SORBS3: variants seen among roughly 807,000 people sequenced by gnomAD.
The protein encoded by SORBS3 is sorbin and SH3 domain containing 3.
Under a neutral mutation model 98.0 loss-of-function variants are expected in SORBS3, and 69 were observed. The observed-to-expected ratio is 0.70, with a 90% CI of 0.58 to 0.86. The LOEUF is 0.86. Ranked by LOEUF, SORBS3 falls within the 40% of genes least tolerant of loss-of-function variation. The pLI is 0.00. For missense variants in SORBS3, 954 were observed against 908.5 expected (o/e 1.05, Z -0.64); for synonymous variants, 394 against 355.4 (o/e 1.11, Z -1.22).
At position 22,570,815 on chromosome 8, in the gene SORBS3, C is replaced by T. The variant is rs879023069; in HGVS notation, c.1432-95C>T. ...CTGCGATTCCGACCCCTCGTGTGTC[C>T]AAGGTGTTAGGGTTGAATGAGACAG... is the stretch of plus-strand genomic sequence containing the variant. On this transcript the variant is annotated intron_variant, in intron 17 of 20. Coordinates refer to ENST00000240123, the MANE Select transcript of SORBS3 (RefSeq NM_005775.5). 1.5e-5 allele frequency: 17 copies of T among 1,136,736 alleles called. No homozygotes were observed. In the South Asian group the frequency reaches 1.5e-4, roughly 10 times the overall value. 70.4% of individuals were successfully genotyped at this position (1,136,736 alleles called of 1,614,324 possible).
At position 22,555,475 on chromosome 8, in the gene SORBS3, T is replaced by C. The variant is rs1356082070; in HGVS notation, c.220+495T>C. Among the ~76,000 whole-genome samples the C allele has an allele frequency of 3.9e-5, 6 of 152,206 alleles. No individual in the cohort carries two copies. The South Asian group carries it at 1.2e-3, about 31-fold the overall frequency. On this transcript the variant is annotated intron_variant, in intron 3 of 20. Transcript: ENST00000240123. ...CTAAAGTGACATCCTTTATCAAGCA[T>C]TCCCCTAAGACAGGTGCTGTGTAAA...
At chr8:22,566,975 G>A in intron 15 of SORBS3, 86 bp from the exon 16 acceptor site, 1 of 1,547,880 alleles carries the variant, frequency 6.5e-7, no homozygotes, top group Non-Finnish European at 8.9e-7. Flanking sequence ...AGGGGTGAGA[G>A]AACTGGGGTG....
chr8:22,550,028 T>G (rs1840058105), upstream of SORBS3: 3 of 985,248 alleles, frequency 3.0e-6, no homozygotes, highest in South Asian at 1.4e-4. Flanking sequence ...GAAAGCGATG[T>G]GGTCCTTCTT....
Position 22,554,442 on chromosome 8 carries a change from T to G in SORBS3, c.-55-10T>G. On this transcript the variant is annotated splice_polypyrimidine_tract_variant and intron_variant, in intron 1 of 20. Coordinates refer to ENST00000240123, the MANE Select transcript of SORBS3 (RefSeq NM_005775.5). The surrounding 1 kb of genome is among the most constrained non-coding windows in gnomAD (Gnocchi z 6.5). ...AGCAGGGCTTTCCCTTCCTTCCTCC[T>G]TCCCCACAGAGGACACGCAGAGGAG... 6.4e-7 allele frequency: 1 copy of G among 1,570,364 alleles called. No homozygotes were observed. Among genetic ancestry groups the G allele is most frequent in the Non-Finnish European group, 8.6e-7 (1 of 1,163,932 alleles).
rs546700732 is a variant in SORBS3, at chr8:22,568,206, C to G, written c.1306-942C>G. On this transcript the variant is annotated intron_variant, in intron 16 of 20. Coordinates refer to ENST00000240123, the MANE Select transcript of SORBS3 (RefSeq NM_005775.5). ...CAATTTGCGTCTTCTCTTATTCTGT[C>G]TAGAGCTTTATTAATTTACTTGATC... Among the ~76,000 whole-genome samples, 5 of 152,216 alleles carry G rather than the reference C, an allele frequency of 3.3e-5. No homozygotes were observed. In the East Asian group the frequency reaches 9.6e-4, roughly 29 times the overall value.
intron 20 of SORBS3, among the ~76,000 whole-genome samples, chr8:22,574,322 C>T (rs1840670924): frequency 6.6e-6 from 1 of 152,174 alleles, no homozygotes; most frequent in South Asian, 2.1e-4. Flanking sequence ...GTGAGGGTGC[C>T]CTATTAGACC....
chr8:22,568,257 T>C (rs1451108555), intron 16 of SORBS3, among the ~76,000 whole-genome samples: 1 of 152,224 alleles, frequency 6.6e-6, no homozygotes, highest in Non-Finnish European at 1.5e-5. Flanking sequence ...TGTTTTTCTC[T>C]CGTTTTTGTT....
Position 22,574,927 on chromosome 8 carries a change from C to T in SORBS3, c.*199C>T, listed in dbSNP as rs1840694384. ...TCCCACCCACGACTCACAGGCATTC[C>T]TCCCACAGCCCTTTCATTTCCTCCC... On this transcript the variant is annotated 3_prime_UTR_variant, in exon 21 of 21. Transcript: ENST00000240123. 2 of 692,630 alleles carry T rather than the reference C, an allele frequency of 2.9e-6. No homozygotes were observed. Among genetic ancestry groups the T allele is most frequent in the Non-Finnish European group, 5.3e-6 (2 of 379,076 alleles). 42.9% of individuals were successfully genotyped at this position (692,630 alleles called of 1,614,324 possible). A position where few individuals can be genotyped will look rare whatever the true frequency, so the allele number is the denominator to read the frequency against.
At chr8:22,574,274 C>T (rs1372249220) in intron 20 of SORBS3, among the ~76,000 whole-genome samples, 1 of 152,156 alleles carries the variant, frequency 6.6e-6, no homozygotes, top group African/African-American at 2.4e-5. Flanking sequence ...TCGGGCAATG[C>T]ATTCAGCCTT....
chr8:22,552,968 G>C (rs558807308), intron 1 of SORBS3, among the ~76,000 whole-genome samples: 1 of 152,334 alleles, frequency 6.6e-6, no homozygotes, highest in East Asian at 1.9e-4. Flanking sequence ...CAGAAGAGCT[G>C]TGTCGCAGCA....
intron 16 of SORBS3, 117 bp from the exon 17 acceptor site, chr8:22,569,031 A>G (rs989478217): frequency 1.7e-5 from 19 of 1,112,188 alleles, no homozygotes; most frequent in Admixed American, 6.4e-5. Flanking sequence ...TCTGGTGTTT[A>G]TATCTTTTCT....
chr8:22,565,742 C>T (rs1586900377), intron 11 of SORBS3, 84 bp from the exon 12 acceptor site: 1 of 1,275,114 alleles, frequency 7.8e-7, no homozygotes, highest in Non-Finnish European at 9.9e-7. Flanking sequence ...CCCTCCCGAG[C>T]CGCGAACTTT....
Position 22,554,478 on chromosome 8 carries a change from G to GC in SORBS3, c.-26dup. 1 of 1,601,998 alleles carries GC rather than the reference G, an allele frequency of 6.2e-7. No individual in the cohort carries two copies. The highest frequency in any genetic ancestry group is 8.5e-7 in the Non-Finnish European group (1 of 1,176,814). On this transcript the variant is annotated 5_prime_UTR_variant, in exon 2 of 21. The change abolishes the stop of an existing upstream ORF in the 5' untranslated region. Coordinates refer to ENST00000240123, the MANE Select transcript of SORBS3 (RefSeq NM_005775.5). This position sits in a 1 kb window ranked among gnomAD's most constrained non-coding sequence, Gnocchi z 6.5. ...GGACACGCAGAGGAGCAGCTGGCTT[G>GC]CCCGGAGTCCTCCCACCTTGACCCA...
chr8:22,552,883 T>C (rs898133434), intron 1 of SORBS3, among the ~76,000 whole-genome samples: 13 of 151,440 alleles, frequency 8.6e-5, no homozygotes, highest in Non-Finnish European at 8.8e-5. Flanking sequence ...TTGGTGGGAG[T>C]CCTAATTGGA....
intron 5 of SORBS3, among the ~76,000 whole-genome samples, chr8:22,560,522 A>G (rs1467979921): frequency 6.6e-6 from 1 of 152,178 alleles, no homozygotes; most frequent in East Asian, 1.9e-4. Context: ...GAATTCCAAA[A>G]GAAAAATGTG....
rs746242561 is a variant in SORBS3, at chr8:22,566,347, C to A, written c.953C>A (p.Pro318Gln). Residue 318 changes from proline to glutamine, a missense_variant and splice_region_variant, in exon 13 of 21, where the codon CCG becomes CAG. By Grantham distance (76) the Pro-to-Gln change is moderately conservative. Coordinates refer to ENST00000240123, the MANE Select transcript of SORBS3 (RefSeq NM_005775.5). ...RAPEQRPPAG[P>Q]ASAWSSSYPH... ...CTCAGTCTCTGTGCCCCGTGCAGCCCGGCCTCAGCCTGGAGCTCCAGCTAC... is the reference window on the plus strand; with the variant it reads ...CTCAGTCTCTGTGCCCCGTGCAGCCAGGCCTCAGCCTGGAGCTCCAGCTAC... 15 of 1,613,148 alleles carry A rather than the reference C, an allele frequency of 9.3e-6. No homozygotes were observed. Among genetic ancestry groups the A allele is most frequent in the Non-Finnish European group, 1.3e-5 (15 of 1,179,698 alleles).
At chr8:22,564,688 G>A in intron 10 of SORBS3, 167 bp downstream of exon 10, 1 of 1,383,314 alleles carries the variant, frequency 7.2e-7, no homozygotes, top group Non-Finnish European at 9.6e-7. Flanking sequence ...TGGCATACAG[G>A]AGGCGCTCAG....
In SORBS3 at chr8:22,558,204, T is replaced by A. The variant is rs1343572483; in HGVS notation, c.478+12T>A. The A allele has an allele frequency of 3.1e-6, 5 of 1,613,614 alleles. 1 individual carries two copies. The South Asian group carries it at 5.5e-5, about 18-fold the overall frequency. On this transcript the variant is annotated intron_variant, in intron 5 of 20. Transcript: ENST00000240123. ...CCGGAAAATGCCAGGTAAGATACCC[T>A]TCCAGGGCCCTCTCCCTGCCAAAGT... is the stretch of plus-strand genomic sequence containing the variant.
intron 17 of SORBS3, among the ~76,000 whole-genome samples, 166 bp from the exon 18 acceptor site, chr8:22,570,744 C>T (rs915561684): frequency 3.3e-5 from 5 of 152,136 alleles, no homozygotes; most frequent in African/African-American, 1.2e-4. Context: ...GGGCTTGGCT[C>T]CTGGCTCCTG....
Sources: allele counts gnomAD v4.1 joint callset (sites outside exome capture counted in the v4.1 genomes callset), GRCh38; gene constraint gnomAD v4.1.1; non-coding constraint Gnocchi (gnomAD v3.1); transcripts MANE v1.5; gene names NCBI Gene and HGNC (gene_info 2026-07-23, HGNC 2026-07-21).